The following CDH4 variants were observed in gnomAD, a reference collection of about 807,000 sequenced individuals.
The protein encoded by CDH4 is cadherin-4.
A neutral mutation model predicts 86.0 loss-of-function variants in CDH4; 33 were observed. The observed-to-expected ratio is 0.38, with a 90% confidence interval of 0.29 to 0.51. The LOEUF (loss-of-function observed/expected upper bound fraction) is 0.51, where lower values mean the gene tolerates loss of function less well. Among genes scored for constraint, CDH4 ranks in the 20% least tolerant of loss-of-function variants. CDH4 has a pLI of 0.86. For missense variants in CDH4, 1,114 were observed against 1,307.4 expected (o/e 0.85, Z 2.28); for synonymous variants, 555 against 549.4 (o/e 1.01, Z -0.14).
intron 7 of CDH4, among the ~76,000 whole-genome samples, chr20:61,887,828 C>T (rs537958631): frequency 1.2e-3 from 176 of 152,292 alleles, no homozygotes; most frequent in Admixed American, 2.5e-3. Context: ...TGCCATGCTG[C>T]GGGAGGAGGC....
chr20:61,354,185 C>T (rs904733823), intron 2 of CDH4, among the ~76,000 whole-genome samples: 7 of 152,082 alleles, frequency 4.6e-5, no homozygotes, highest in African/African-American at 1.4e-4. Context: ...CCCCACCCCC[C>T]AGAGGCCCAA....
At chr20:61,825,785 A>T (rs1461592603) in intron 4 of CDH4, among the ~76,000 whole-genome samples, 1 of 152,178 alleles carries the variant, frequency 6.6e-6, no homozygotes, top group South Asian at 2.1e-4. Flanking sequence ...TTCATGTCCA[A>T]CCGAACACCT....
At chr20:61,635,618 G>A (rs1380912286) in intron 2 of CDH4, among the ~76,000 whole-genome samples, 2 of 152,216 alleles carry the variant, frequency 1.3e-5, no homozygotes, top group Non-Finnish European at 2.9e-5. Context: ...GGGCCCAGGG[G>A]CCGGGCAACA....
intron 2 of CDH4, among the ~76,000 whole-genome samples, chr20:61,326,067 C>T (rs1048116644): frequency 2.0e-5 from 3 of 152,196 alleles, no homozygotes; most frequent in Non-Finnish European, 4.4e-5. Flanking sequence ...ACTACATTTT[C>T]CCTTCTGTTT....
intron 3 of CDH4, among the ~76,000 whole-genome samples, 181 bp downstream of exon 3, chr20:61,743,970 C>A (rs975611295): frequency 1.3e-5 from 2 of 152,210 alleles, no homozygotes; most frequent in African/African-American, 4.8e-5. Flanking sequence ...GAGGCAGGGC[C>A]GTCATTGCGG....
At chr20:61,767,782 G>A in intron 3 of CDH4, among the ~76,000 whole-genome samples, 1 of 152,150 alleles carries the variant, frequency 6.6e-6, no homozygotes, top group East Asian at 1.9e-4. Flanking sequence ...CCCTGGGCAG[G>A]GCCCTGGCCA....
chr20:61,669,230 G>A (rs1324697638), intron 2 of CDH4, among the ~76,000 whole-genome samples: 2 of 152,216 alleles, frequency 1.3e-5, no homozygotes, highest in Non-Finnish European at 2.9e-5. Flanking sequence ...GTGACTGTGG[G>A]CCTGGAGAGT....
intron 2 of CDH4, among the ~76,000 whole-genome samples, chr20:61,649,550 G>A (rs755640023): frequency 3.4e-4 from 51 of 152,178 alleles, no homozygotes; most frequent in Non-Finnish European, 3.5e-4. Context: ...CATCTCTGCG[G>A]TGGAGACAGG....
rs890928972 is a variant in CDH4, at chr20:61,656,229, G to A, written c.170-87334G>A. On this transcript the variant is annotated intron_variant, in intron 2 of 15. Transcript: ENST00000614565. ...AATGCATGCTGAGGCGGGCAGGCGC[G>A]TGCTGGGGTGGGCAGGCGCGTGCTG... is the stretch of plus-strand genomic sequence containing the variant. Among the ~76,000 whole-genome samples the A allele has an allele frequency of 1.3e-4, 13 of 99,464 alleles. No homozygotes were observed. The East Asian group carries it at 4.1e-3, about 32-fold the overall frequency. The allele number at this position is 99,464 out of a possible 152,430, so 65.3% of individuals were successfully genotyped here. A position where few individuals can be genotyped will look rare whatever the true frequency, so the allele number is the denominator to read the frequency against.
At chr20:61,747,561 T>C (rs927157203) in intron 3 of CDH4, among the ~76,000 whole-genome samples, 2 of 152,004 alleles carry the variant, frequency 1.3e-5, no homozygotes, top group Non-Finnish European at 1.5e-5. Context: ...CTTTGAGAGA[T>C]AATTAGAAGG....
At chr20:61,554,824 G>T (rs1285292167) in intron 2 of CDH4, among the ~76,000 whole-genome samples, 1 of 152,240 alleles carries the variant, frequency 6.6e-6, no homozygotes, top group African/African-American at 2.4e-5. Flanking sequence ...GCGTGTGAGA[G>T]TATGTTCGCA....
At position 61,844,694 on chromosome 20, in the gene CDH4, C is replaced by A; in HGVS notation, c.603C>A (p.Ile201=). 1.9e-6 allele frequency: 3 copies of A among 1,613,196 alleles called. No individual in the cohort carries two copies. The highest frequency in any genetic ancestry group is 2.5e-6 in the Non-Finnish European group (3 of 1,179,322). The part of the protein sequence containing the change: ...VRIRSDKDND[I]PIRYSITGVG... ...TCCGGTCCGACAAAGACAATGACATCCCCATCCGGTACAGCATCACGGGAG... is the reference window on the plus strand; with the variant it reads ...TCCGGTCCGACAAAGACAATGACATACCCATCCGGTACAGCATCACGGGAG... The change falls in exon 5 of 16, where the codon ATC becomes ATA. Residue 201 remains isoleucine (I), a synonymous_variant. Transcript: ENST00000614565.
intron 2 of CDH4, among the ~76,000 whole-genome samples, chr20:61,603,887 G>T (rs1318618745): frequency 3.3e-5 from 5 of 152,206 alleles, no homozygotes; most frequent in African/African-American, 9.6e-5. Context: ...GACATAGTAA[G>T]CCCTGGGAGT....
chr20:61,359,244 C>T (rs62201900), intron 2 of CDH4, among the ~76,000 whole-genome samples: 28,483 of 152,170 alleles, frequency 0.19, 2,815 homozygotes, highest in Middle Eastern at 0.34. Flanking sequence ...TATTCTGTGT[C>T]GTTGGCTCAC....
intron 5 of CDH4, among the ~76,000 whole-genome samples, chr20:61,846,416 C>T (rs911979169): frequency 6.6e-5 from 10 of 152,194 alleles, no homozygotes; most frequent in African/African-American, 2.4e-4. Context: ...CTGCCGTCAA[C>T]ACGCGTCTAC....
In CDH4 at chr20:61,518,518, C is replaced by G. The variant is rs891584356; in HGVS notation, c.170-225045C>G. Among the ~76,000 whole-genome samples the G allele has an allele frequency of 2.0e-5, 3 of 151,694 alleles. No homozygotes were observed. The highest frequency in any genetic ancestry group is 4.4e-5 in the Non-Finnish European group (3 of 67,912). On this transcript the variant is annotated intron_variant, in intron 2 of 15. Transcript: ENST00000614565. This position sits in a 1 kb window ranked among gnomAD's most constrained non-coding sequence, Gnocchi z 6.3. ...ATTCATCATCCATCCATCCGTCCAT[C>G]TATCATCCATCCATCTATCCATCAT...
rs151145561 is a variant in CDH4, at chr20:61,378,908, A to G, written c.169+123971A>G. 4.6e-5 allele frequency among the ~76,000 whole-genome samples: 7 copies of G among 152,318 alleles called. No individual in the cohort carries two copies. In the East Asian group the frequency reaches 1.4e-3, roughly 29 times the overall value. On this transcript the variant is annotated intron_variant, in intron 2 of 15. Coordinates refer to ENST00000614565, the MANE Select transcript of CDH4 (RefSeq NM_001794.5). ...AGGATGATGTCATCACAACCAAGAC[A>G]TTGACATTAGTCCAGTCCACAGATG...
chr20:61,932,506 TAC>T (rs1555862454), intron 13 of CDH4, among the ~76,000 whole-genome samples: 7 of 151,812 alleles, frequency 4.6e-5, no homozygotes, highest in African/African-American at 9.7e-5. Context: ...ACACACGAAG[TAC>T]ACATGGACAC....
intron 2 of CDH4, among the ~76,000 whole-genome samples, chr20:61,622,305 A>G (rs2086785258): frequency 6.6e-6 from 1 of 151,838 alleles, no homozygotes; most frequent in Admixed American, 6.6e-5. Flanking sequence ...CACGGGGGCC[A>G]CCTCCTTCCC....
Sources: allele counts gnomAD v4.1 joint callset (sites outside exome capture counted in the v4.1 genomes callset), GRCh38; gene constraint gnomAD v4.1.1; non-coding constraint Gnocchi (gnomAD v3.1); transcripts MANE v1.5; gene names NCBI Gene and HGNC (gene_info 2026-07-23, HGNC 2026-07-21).